The following ADCY9 variants were observed in gnomAD, a reference collection of about 807,000 sequenced individuals.
The protein encoded by ADCY9 is adenylate cyclase 9.
A neutral mutation model predicts 101.5 loss-of-function variants in ADCY9; 50 were observed. The ratio of observed to expected loss-of-function variants is 0.49; its 90% CI spans 0.39 to 0.62. The LOEUF is 0.62. Among genes scored for constraint, ADCY9 ranks in the 20% least tolerant of loss-of-function variants. ADCY9 has a pLI of 0.00. For synonymous variants in ADCY9, 905 were observed against 769.3 expected (o/e 1.18, Z -2.92); for missense variants, 1,662 against 1,800.4 (o/e 0.92, Z 1.39).
intron 2 of ADCY9, among the ~76,000 whole-genome samples, chr16:4,088,569 C>G (rs1045894487): frequency 1.3e-5 from 2 of 151,996 alleles, no homozygotes; most frequent in African/African-American, 4.8e-5. Context: ...GGATGACAGG[C>G]ATGGGATTCC....
chr16:3,960,426 G>A (rs1567409418), downstream of ADCY9, among the ~76,000 whole-genome samples: 1 of 152,082 alleles, frequency 6.6e-6, no homozygotes, highest in Non-Finnish European at 1.5e-5. Context: ...GGTAACTGAG[G>A]CAGAAGAATC....
At chr16:4,080,680 A>G (rs943665600) in intron 2 of ADCY9, among the ~76,000 whole-genome samples, 15 of 151,340 alleles carry the variant, frequency 9.9e-5, no homozygotes, top group African/African-American at 3.2e-4. Flanking sequence ...CAGAATCATG[A>G]CGGCGTTCTC....
At position 3,980,920 on chromosome 16, in the gene ADCY9, A is replaced by T. The variant is rs367561101; in HGVS notation, c.2520-1645T>A. On this transcript the variant is annotated intron_variant, in intron 7 of 10. Transcript: ENST00000294016. ...TCACGCCTGCTGGGGCAGAGCAGAG[A>T]GGGTGATGCAGGAAGCCTCCTGGAG... 5.9e-5 allele frequency among the ~76,000 whole-genome samples: 9 copies of T among 152,222 alleles called. No homozygotes were observed. The East Asian group carries it at 1.4e-3, about 23-fold the overall frequency.
chr16:4,056,208 G>A (rs1427950164), intron 2 of ADCY9, among the ~76,000 whole-genome samples: 1 of 152,210 alleles, frequency 6.6e-6, no homozygotes, highest in East Asian at 1.9e-4. Context: ...AGGCCCAGCA[G>A]TTTTCCTACC....
chr16:3,979,543 G>A (rs192089148), intron 7 of ADCY9, among the ~76,000 whole-genome samples: 145 of 152,332 alleles, frequency 9.5e-4, no homozygotes, highest in East Asian at 4.6e-3. Flanking sequence ...TGCTTCGCTC[G>A]CCTAACAGAA....
chr16:4,032,930 G>T (rs939187482), intron 2 of ADCY9: 1 of 152,278 alleles, frequency 6.6e-6, no homozygotes, highest in African/African-American at 2.4e-5. Context: ...AGAGGAAGCC[G>T]TCGGCCACAC....
intron 2 of ADCY9, among the ~76,000 whole-genome samples, chr16:4,039,164 CAA>C (rs2056609872): frequency 6.6e-6 from 1 of 152,270 alleles, no homozygotes; most frequent in Non-Finnish European, 1.5e-5. Context: ...ACGTGGCATG[CAA>C]AGTCTTTCAC....
chr16:4,012,130 A>G (rs1470282228), intron 2 of ADCY9, among the ~76,000 whole-genome samples: 1 of 152,246 alleles, frequency 6.6e-6, no homozygotes, highest in Non-Finnish European at 1.5e-5. Flanking sequence ...ACCCATAGTG[A>G]TAACATGATC....
chr16:4,059,284 G>A (rs1366569383), intron 2 of ADCY9, among the ~76,000 whole-genome samples: 1 of 151,354 alleles, frequency 6.6e-6, no homozygotes. Flanking sequence ...GGGAGGCTGA[G>A]GCAGGAGAAG....
At chr16:4,022,891 G>C (rs764007020) in intron 2 of ADCY9, among the ~76,000 whole-genome samples, 7 of 152,138 alleles carry the variant, frequency 4.6e-5, no homozygotes, top group Non-Finnish European at 1.0e-4. Context: ...CCTGAAATCC[G>C]TTAAGAATGA....
chr16:3,994,437 G>GTA (rs1248954136), intron 3 of ADCY9, among the ~76,000 whole-genome samples: 1 of 152,164 alleles, frequency 6.6e-6, no homozygotes, highest in African/African-American at 2.4e-5. Flanking sequence ...CCACTGAACT[G>GTA]TACACTTTAA....
chr16:4,115,542 G>A lies in ADCY9; in HGVS notation c.-43-57C>T, dbSNP rs1458574496. 1.4e-6 allele frequency: 2 copies of A among 1,381,262 alleles called. No homozygotes were observed. The highest frequency in any genetic ancestry group is 2.9e-5 in the African/African-American group (2 of 68,664). The allele number at this position is 1,381,262 out of a possible 1,614,324, so 85.6% of individuals were successfully genotyped here. A position where few individuals can be genotyped will look rare whatever the true frequency, so the allele number is the denominator to read the frequency against. On this transcript the variant is annotated intron_variant, in intron 1 of 10. Transcript: ENST00000294016. This position sits in a 1 kb window ranked among gnomAD's most constrained non-coding sequence, Gnocchi z 6.2. ...TCCCACCTAGGCATGCACGCCTAGA[G>A]GCCCGGGACCTGCTCCTGTCCTAAG...
At chr16:4,090,310 T>C (rs2056965370) in intron 2 of ADCY9, among the ~76,000 whole-genome samples, 1 of 152,150 alleles carries the variant, frequency 6.6e-6, no homozygotes. Flanking sequence ...ATTTTTTTTC[T>C]ACTTAGAAAC....
At chr16:4,000,639 AAC>A in intron 3 of ADCY9, among the ~76,000 whole-genome samples, 1 of 152,212 alleles carries the variant, frequency 6.6e-6, no homozygotes, top group East Asian at 1.9e-4. Context: ...TCACCACATG[AAC>A]ACACACGTGT....
At chr16:4,034,342 T>C (rs1173422895) in intron 2 of ADCY9, among the ~76,000 whole-genome samples, 1 of 152,202 alleles carries the variant, frequency 6.6e-6, no homozygotes, top group East Asian at 1.9e-4. Flanking sequence ...TTCCATGCCA[T>C]ATAATGCTAC....
intron 2 of ADCY9, among the ~76,000 whole-genome samples, chr16:4,075,569 G>C (rs79401551): frequency 0.031 from 4,771 of 152,332 alleles, 109 homozygotes; most frequent in Non-Finnish European, 0.044. Context: ...CCGGTCCCAT[G>C]TGTGCAATCT....
chr16:4,001,741 T>G (rs2056332305), intron 3 of ADCY9, among the ~76,000 whole-genome samples: 1 of 1,870 alleles, frequency 5.3e-4, no homozygotes, highest in Non-Finnish European at 3.0e-3. Context: ...TAGAGATGGT[T>G]TTTTTTTTTT....
At chr16:4,014,014 T>C (rs926228865) in intron 2 of ADCY9, among the ~76,000 whole-genome samples, 1 of 152,152 alleles carries the variant, frequency 6.6e-6, no homozygotes, top group Non-Finnish European at 1.5e-5. Context: ...AAACTTAACC[T>C]CTTCTTAACA....
At chr16:3,970,983 A>T (rs1282747644) in intron 10 of ADCY9, among the ~76,000 whole-genome samples, 1 of 152,202 alleles carries the variant, frequency 6.6e-6, no homozygotes, top group Non-Finnish European at 1.5e-5. Context: ...GGCTGGCACC[A>T]GGGAGCTGGG....
Sources: allele counts gnomAD v4.1 joint callset (sites outside exome capture counted in the v4.1 genomes callset), GRCh38; gene constraint gnomAD v4.1.1; non-coding constraint Gnocchi (gnomAD v3.1); transcripts MANE v1.5; gene names NCBI Gene and HGNC (gene_info 2026-07-23, HGNC 2026-07-21).